Variants in ANXA13 observed in about 807,000 individuals in gnomAD.
ANXA13 encodes the protein annexin XIII.
Under a neutral mutation model 46.6 loss-of-function variants are expected in ANXA13, and 36 were observed. That is an observed-to-expected ratio of 0.77 (90% CI 0.59 to 1.02). ANXA13 has a LOEUF of 1.02. Ranked by LOEUF, ANXA13 falls within the 50% of genes least tolerant of loss-of-function variation. The pLI, the probability that ANXA13 is intolerant of heterozygous loss-of-function variation, is 0.00. For synonymous variants in ANXA13, 163 were observed against 152.9 expected (o/e 1.07, Z -0.49); for missense variants, 417 against 396.5 (o/e 1.05, Z -0.44).
intron 10 of ANXA13, among the ~76,000 whole-genome samples, chr8:123,682,082 C>A (rs776095351): frequency 6.6e-6 from 1 of 152,106 alleles, no homozygotes; most frequent in Non-Finnish European, 1.5e-5. Context: ...AGTTGGTTGA[C>A]CCCTGGTATA....
intron 6 of ANXA13, among the ~76,000 whole-genome samples, chr8:123,694,939 C>G (rs571914152): frequency 1.3e-5 from 2 of 151,822 alleles, no homozygotes; most frequent in South Asian, 4.2e-4. Flanking sequence ...GCACAGAGCT[C>G]GTAAAGATGA....
chr8:123,684,768 T>C (rs1318225179), intron 9 of ANXA13, 46 bp from the exon 10 acceptor site: 1 of 1,449,630 alleles, frequency 6.9e-7, no homozygotes, highest in Non-Finnish European at 9.7e-7. Flanking sequence ...TCACGTTTTG[T>C]GGAATGACCT....
chr8:123,714,011 T>TCC (rs949271558), intron 1 of ANXA13, among the ~76,000 whole-genome samples: 28 of 152,280 alleles, frequency 1.8e-4, no homozygotes, highest in African/African-American at 6.7e-4. Context: ...ATATTTTCCA[T>TCC]CCTTCAGTGA....
Position 123,726,589 on chromosome 8 carries a change from C to T in ANXA13, c.15+10731G>A, listed in dbSNP as rs967092875. Among the ~76,000 whole-genome samples, 7 of 152,332 alleles carry T rather than the reference C, an allele frequency of 4.6e-5. No individual in the cohort carries two copies. The South Asian group carries it at 1.0e-3, about 23-fold the overall frequency. ...TGTGTCTTTCCAGGGGAGCACTGCT[C>T]ATCTAGGCAGGAAATCCAGCAGCCC... On this transcript the variant is annotated intron_variant, in intron 1 of 10. Coordinates refer to ENST00000419625, the MANE Select transcript of ANXA13 (RefSeq NM_004306.4).
chr8:123,696,224 ATAG>A (rs1417326050), intron 4 of ANXA13, among the ~76,000 whole-genome samples: 1 of 152,106 alleles, frequency 6.6e-6, no homozygotes, highest in Non-Finnish European at 1.5e-5. Context: ...TCTCTCAATA[ATAG>A]TATCCCGGAG....
intron 1 of ANXA13, among the ~76,000 whole-genome samples, chr8:123,732,916 T>G (rs1814152014): frequency 6.6e-6 from 1 of 152,204 alleles, no homozygotes; most frequent in Non-Finnish European, 1.5e-5. Context: ...CTCACACCTG[T>G]AATCCCAGAA....
intron 2 of ANXA13, among the ~76,000 whole-genome samples, chr8:123,709,362 C>T (rs977741824): frequency 1.3e-5 from 2 of 151,516 alleles, no homozygotes; most frequent in Non-Finnish European, 2.9e-5. Context: ...TCTCTTCCTC[C>T]TTCTCTTCTT....
intron 9 of ANXA13, among the ~76,000 whole-genome samples, chr8:123,685,778 A>C (rs920423545): frequency 6.6e-6 from 1 of 152,154 alleles, no homozygotes; most frequent in Non-Finnish European, 1.5e-5. Flanking sequence ...ATCGCACCGG[A>C]AAAGAAACAA....
chr8:123,717,494 G>T (rs1195980876), intron 1 of ANXA13, among the ~76,000 whole-genome samples: 1 of 152,116 alleles, frequency 6.6e-6, no homozygotes, highest in Non-Finnish European at 1.5e-5. Flanking sequence ...AGATATATAG[G>T]TTTCTAATTC....
chr8:123,703,857 G>A (rs73703640), intron 2 of ANXA13, among the ~76,000 whole-genome samples: 11,238 of 152,208 alleles, frequency 0.074, 452 homozygotes, highest in African/African-American at 0.092. Flanking sequence ...AACCAGGATC[G>A]GAAAGATGAC....
chr8:123,706,729 T>C (rs1172556668), intron 2 of ANXA13, among the ~76,000 whole-genome samples: 5 of 152,210 alleles, frequency 3.3e-5, no homozygotes, highest in East Asian at 1.9e-4. Flanking sequence ...CCTTTCAGTA[T>C]AGGCCCTCTC....
intron 2 of ANXA13, among the ~76,000 whole-genome samples, chr8:123,709,844 C>T (rs1240099560): frequency 6.6e-6 from 1 of 152,164 alleles, no homozygotes; most frequent in African/African-American, 2.4e-5. Context: ...CTGCAATCTC[C>T]ACCTCCCAGG....
intron 1 of ANXA13, among the ~76,000 whole-genome samples, chr8:123,718,046 T>C (rs1270257168): frequency 1.3e-5 from 2 of 152,250 alleles, no homozygotes; most frequent in African/African-American, 4.8e-5. Flanking sequence ...TCGAGTGTTT[T>C]TCCAGCTGCC....
intron 6 of ANXA13, 96 bp from the exon 7 acceptor site, chr8:123,693,875 T>G: frequency 1.7e-4 from 165 of 951,814 alleles, no homozygotes; most frequent in Non-Finnish European, 2.6e-4. Context: ...AAGAGGTGAA[T>G]TCTTTCTCAG....
chr8:123,716,751 G>A (rs118085035), intron 1 of ANXA13, among the ~76,000 whole-genome samples: 719 of 152,160 alleles, frequency 4.7e-3, no homozygotes, highest in Middle Eastern at 6.8e-3. Context: ...TAGATGGAGC[G>A]GACATTCCAC....
intron 1 of ANXA13, among the ~76,000 whole-genome samples, chr8:123,714,053 C>T (rs527717016): frequency 8.5e-5 from 13 of 152,140 alleles, no homozygotes; most frequent in Admixed American, 5.2e-4. Flanking sequence ...GCAGTAGCAC[C>T]GCAGTTCAAC....
intron 1 of ANXA13, chr8:123,727,552 T>C (rs910544674): frequency 4.0e-5 from 6 of 151,794 alleles, no homozygotes; most frequent in African/African-American, 1.2e-4. Context: ...TTGGCACGAG[T>C]AGGGGAGTAT....
rs78941700 is a variant in ANXA13 at position 123,730,330 on chromosome 8, A to G, written c.15+6990T>C. ...AAAGTGTAGTTCCTAGACCAGCAGT[A>G]CCAACATCACCAGGGAACTCAGAAA... is the stretch of plus-strand genomic sequence containing the variant. On this transcript the variant is annotated intron_variant, in intron 1 of 10. Transcript: ENST00000419625. Among the ~76,000 whole-genome samples, 78 of 152,296 alleles carry G rather than the reference A, an allele frequency of 5.1e-4. 1 individual carries two copies. In the East Asian group the frequency reaches 8.5e-3, roughly 17 times the overall value.
chr8:123,683,034 A>T (rs1051054659), intron 10 of ANXA13, among the ~76,000 whole-genome samples: 3 of 152,118 alleles, frequency 2.0e-5, no homozygotes, highest in Non-Finnish European at 2.9e-5. Context: ...GTCCCTCAAG[A>T]TCTCTCATCT....
Sources: gnomAD v4.1 joint callset for allele counts (sites outside exome capture counted in the v4.1 genomes callset) on GRCh38, gnomAD v4.1.1 for gene constraint, MANE v1.5 for transcripts, NCBI Gene and HGNC (gene_info 2026-07-23, HGNC 2026-07-21) for gene names.